Variants in CAMK1D observed in about 807,000 individuals in gnomAD.
CAMK1D encodes the protein calcium/calmodulin dependent protein kinase ID.
A neutral mutation model predicts 47.7 loss-of-function variants in CAMK1D; 9 were observed. The ratio of observed to expected loss-of-function variants is 0.19; its 90% CI spans 0.11 to 0.33. The LOEUF (loss-of-function observed/expected upper bound fraction) is 0.33. Ranked by LOEUF, CAMK1D falls within the 10% of genes least tolerant of loss-of-function variation. The pLI, the probability that CAMK1D is intolerant of heterozygous loss-of-function variation, is 1.00. For missense variants in CAMK1D, 291 were observed against 488.7 expected, an observed-to-expected ratio of 0.60 and a Z score of 3.81; for synonymous variants, 184 against 184.9, an observed-to-expected ratio of 0.99 and a Z score of 0.04.
At chr10:12,717,043 C>T (rs11257953) in intron 3 of CAMK1D, among the ~76,000 whole-genome samples, 2,306 of 152,286 alleles carry the variant, frequency 0.015, 59 homozygotes, top group African/African-American at 0.053. Flanking sequence ...AATGCCATTA[C>T]TTGAGGAGTA....
At chr10:12,450,261 T>C (rs1833045992) in intron 1 of CAMK1D, among the ~76,000 whole-genome samples, 1 of 152,218 alleles carries the variant, frequency 6.6e-6, no homozygotes, top group Non-Finnish European at 1.5e-5. Context: ...ATATCCAGTT[T>C]GTATTCCAGT....
At chr10:12,523,109 G>GAT (rs1835490659) in intron 1 of CAMK1D, among the ~76,000 whole-genome samples, 3 of 151,346 alleles carry the variant, frequency 2.0e-5, no homozygotes, top group African/African-American at 4.9e-5. Flanking sequence ...CTTCTCAGAC[G>GAT]GGGCGGCTGG....
intron 1 of CAMK1D, among the ~76,000 whole-genome samples, chr10:12,395,296 C>G (rs764992244): frequency 1.3e-5 from 2 of 151,602 alleles, no homozygotes; most frequent in Non-Finnish European, 2.9e-5. Context: ...CAAGTGATCC[C>G]CTTGACCTGC....
At chr10:12,501,611 C>T (rs994024969) in intron 1 of CAMK1D, among the ~76,000 whole-genome samples, 8 of 152,102 alleles carry the variant, frequency 5.3e-5, no homozygotes, top group Non-Finnish European at 7.4e-5. Context: ...GGCTTATCTG[C>T]GGAGATACGC....
intron 1 of CAMK1D, among the ~76,000 whole-genome samples, chr10:12,521,882 C>T (rs1835426722): frequency 6.6e-6 from 1 of 151,808 alleles, no homozygotes; most frequent in Non-Finnish European, 1.5e-5. Context: ...ACTTTGTTTG[C>T]TATTTATATT....
At chr10:12,500,390 G>C (rs1002958396) in intron 1 of CAMK1D, among the ~76,000 whole-genome samples, 49 of 152,164 alleles carry the variant, frequency 3.2e-4, no homozygotes, top group African/African-American at 1.1e-3. Context: ...CCTCTTCTTA[G>C]ACCTCACTGA....
intron 1 of CAMK1D, among the ~76,000 whole-genome samples, chr10:12,490,755 G>C (rs1834358986): frequency 6.6e-6 from 1 of 152,174 alleles, no homozygotes; most frequent in Non-Finnish European, 1.5e-5. Flanking sequence ...TGAGGCAGGA[G>C]AATCGCTTGA....
chr10:12,385,045 A>G (rs1838449573), intron 1 of CAMK1D, among the ~76,000 whole-genome samples: 2 of 152,384 alleles, frequency 1.3e-5, no homozygotes, highest in South Asian at 2.1e-4. Flanking sequence ...AATCAAAACC[A>G]CAATTAGATG....
chr10:12,522,198 T>G (rs1269809987), intron 1 of CAMK1D, among the ~76,000 whole-genome samples: 1 of 39,494 alleles, frequency 2.5e-5, no homozygotes, highest in Non-Finnish European at 6.2e-5. Flanking sequence ...TTCCTTTTTT[T>G]TTCTTTTTTT....
chr10:12,597,106 G>A (rs1838168745), intron 2 of CAMK1D, among the ~76,000 whole-genome samples: 2 of 152,102 alleles, frequency 1.3e-5, no homozygotes, highest in African/African-American at 4.8e-5. Flanking sequence ...TGCCGTGCAG[G>A]AGCTTGTAAC....
chr10:12,463,294 C>G (rs1010213698), intron 1 of CAMK1D, among the ~76,000 whole-genome samples: 3 of 152,162 alleles, frequency 2.0e-5, no homozygotes, highest in African/African-American at 7.2e-5. Flanking sequence ...CACACCACCA[C>G]ACCTGGCTAA....
At chr10:12,734,361 T>TAG (rs1564524061) in intron 3 of CAMK1D, among the ~76,000 whole-genome samples, 13 of 9,316 alleles carry the variant, frequency 1.4e-3, no homozygotes, top group African/African-American at 4.1e-3. Flanking sequence ...TATATATATA[T>TAG]ATATATATAT....
intron 2 of CAMK1D, among the ~76,000 whole-genome samples, chr10:12,578,593 A>G (rs1270755127): frequency 1.7e-5 from 2 of 120,868 alleles, no homozygotes; most frequent in African/African-American, 6.6e-5. Flanking sequence ...AAAGTTTTGT[A>G]GAGATGAGAT....
At chr10:12,525,846 C>G (rs1306427812) in intron 1 of CAMK1D, among the ~76,000 whole-genome samples, 1 of 152,190 alleles carries the variant, frequency 6.6e-6, no homozygotes, top group East Asian at 1.9e-4. Context: ...CAACCTCCAC[C>G]TCTCAGGTTC....
intron 2 of CAMK1D, among the ~76,000 whole-genome samples, chr10:12,600,804 C>T (rs11257914): frequency 0.35 from 52,943 of 152,072 alleles, 11,484 homozygotes; most frequent in Non-Finnish European, 0.46. Flanking sequence ...AAGCCTCTAA[C>T]GTGTGTTACT....
intron 5 of CAMK1D, among the ~76,000 whole-genome samples, chr10:12,783,695 A>G (rs557461013): frequency 1.3e-5 from 2 of 152,244 alleles, no homozygotes; most frequent in East Asian, 3.9e-4. Flanking sequence ...GGGCAATTTA[A>G]TTGTTTTAAA....
At chr10:12,619,586 C>T (rs1295030639) in intron 2 of CAMK1D, among the ~76,000 whole-genome samples, 2 of 152,090 alleles carry the variant, frequency 1.3e-5, no homozygotes, top group Non-Finnish European at 2.9e-5. Flanking sequence ...CCATCCCCTA[C>T]TTGGATTTTT....
At chr10:12,399,596 A>G (rs985961403) in intron 1 of CAMK1D, among the ~76,000 whole-genome samples, 13 of 152,302 alleles carry the variant, frequency 8.5e-5, no homozygotes, top group African/African-American at 3.1e-4. Context: ...GGACACCCCT[A>G]CTATGACACC....
intron 1 of CAMK1D, among the ~76,000 whole-genome samples, chr10:12,495,055 G>A (rs759425604): frequency 3.3e-5 from 5 of 152,140 alleles, no homozygotes; most frequent in East Asian, 1.9e-4. Flanking sequence ...TAAAAACACC[G>A]CTATCAAAAT....
Sources: allele counts gnomAD v4.1 joint callset (sites outside exome capture counted in the v4.1 genomes callset), GRCh38; gene constraint gnomAD v4.1.1; transcripts MANE v1.5; gene names NCBI Gene and HGNC (gene_info 2026-07-23, HGNC 2026-07-21).